Variants in HIPK2 observed in about 807,000 individuals in gnomAD.
HIPK2 encodes homeodomain-interacting protein kinase 2.
A neutral mutation model predicts 113.7 loss-of-function variants in HIPK2; 27 were observed. The observed-to-expected ratio is 0.24, with a 90% confidence interval of 0.17 to 0.33. The LOEUF is 0.33. Ranked by LOEUF, HIPK2 falls within the 10% of genes least tolerant of loss-of-function variation. The pLI is 1.00. For synonymous variants in HIPK2, 631 were observed against 642.2 expected, an observed-to-expected ratio of 0.98 and a Z score of 0.26; for missense variants, 1,257 against 1,588.0, an observed-to-expected ratio of 0.79 and a Z score of 3.54.
At chr7:139,605,662 T>C (rs1001638492) in intron 9 of HIPK2, among the ~76,000 whole-genome samples, 1 of 152,192 alleles carries the variant, frequency 6.6e-6, no homozygotes, top group African/African-American at 2.4e-5. Flanking sequence ...TATTTTCATG[T>C]TGCACCTGAG....
intron 2 of HIPK2, among the ~76,000 whole-genome samples, chr7:139,697,826 T>C (rs1372751991): frequency 6.6e-6 from 1 of 151,002 alleles, no homozygotes; most frequent in Non-Finnish European, 1.5e-5. Flanking sequence ...TATTATCCCC[T>C]CCTCCCAGCC....
intron 1 of HIPK2, among the ~76,000 whole-genome samples, chr7:139,721,698 C>T (rs1009349725): frequency 2.0e-5 from 3 of 152,204 alleles, no homozygotes; most frequent in African/African-American, 2.4e-5. Flanking sequence ...TATCTCTGCA[C>T]TTCCTAGTTG....
At chr7:139,754,504 T>G (rs1023284483) in intron 1 of HIPK2, among the ~76,000 whole-genome samples, 8 of 152,162 alleles carry the variant, frequency 5.3e-5, no homozygotes, top group Non-Finnish European at 7.4e-5. Context: ...AAAGCCAGGT[T>G]AGAATATAGA....
At chr7:139,639,102 C>T (rs55970805) in intron 2 of HIPK2, among the ~76,000 whole-genome samples, 9,549 of 152,252 alleles carry the variant, frequency 0.063, 395 homozygotes, top group African/African-American at 0.1. Flanking sequence ...ACACCCAGCC[C>T]ATAAACCCTC....
At chr7:139,652,500 T>C (rs1801498911) in intron 2 of HIPK2, among the ~76,000 whole-genome samples, 1 of 152,238 alleles carries the variant, frequency 6.6e-6, no homozygotes, top group Admixed American at 6.5e-5. Context: ...TATCATCTCG[T>C]GTACACGTAT....
chr7:139,747,356 G>A (rs1352694788), intron 1 of HIPK2, among the ~76,000 whole-genome samples: 4 of 152,192 alleles, frequency 2.6e-5, no homozygotes, highest in African/African-American at 9.7e-5. Flanking sequence ...GTCTGCATCT[G>A]GACGTTCCCA....
In HIPK2 at chr7:139,569,240, T is replaced by C. The variant is rs1798185274; in HGVS notation, c.*3687A>G. 6.6e-6 allele frequency: 1 copy of C among 152,006 alleles called. No individual in the cohort carries two copies. The highest frequency in any genetic ancestry group is 1.5e-5 in the Non-Finnish European group (1 of 68,034). 9.4% of individuals were successfully genotyped at this position (152,006 alleles called of 1,614,324 possible). ...TGAGGAACTGGGTGGTGTGGTGAAA[T>C]TTCCTGGGGAAGGTACCACCTGCCA... is the stretch of plus-strand genomic sequence containing the variant. On this transcript the variant is annotated 3_prime_UTR_variant, in exon 15 of 15. Transcript: ENST00000406875.
At chr7:139,720,850 A>G (rs1008559928) in intron 1 of HIPK2, among the ~76,000 whole-genome samples, 1 of 152,168 alleles carries the variant, frequency 6.6e-6, no homozygotes, top group South Asian at 2.1e-4. Context: ...GTGAGGTGCT[A>G]GTCTCTGTTT....
Position 139,571,425 on chromosome 7 carries a change from C to T in HIPK2, c.*1502G>A, listed in dbSNP as rs1798275118. ...TGGCGGAACTGGGGACAGAGTGGGGCAGGGGTGAAGGGTGGGGAGTCTCTC... is the reference window on the plus strand; with the variant it reads ...TGGCGGAACTGGGGACAGAGTGGGGTAGGGGTGAAGGGTGGGGAGTCTCTC... On this transcript the variant is annotated 3_prime_UTR_variant, in exon 15 of 15. Transcript: ENST00000406875. 1 of 152,258 alleles carries T rather than the reference C, an allele frequency of 6.6e-6. No homozygotes were observed. Among genetic ancestry groups the T allele is most frequent in the Admixed American group, 6.5e-5 (1 of 15,284 alleles). The allele number at this position is 152,258 out of a possible 1,614,324, so 9.4% of individuals were successfully genotyped here. A position where few individuals can be genotyped will look rare whatever the true frequency, so the allele number is the denominator to read the frequency against.
intron 13 of HIPK2, among the ~76,000 whole-genome samples, chr7:139,578,370 T>G (rs1053943240): frequency 2.6e-5 from 4 of 152,148 alleles, no homozygotes; most frequent in Non-Finnish European, 5.9e-5. Flanking sequence ...GGTCGTGAAC[T>G]CCTGACCTCA....
chr7:139,601,372 A>G (rs1799419298), intron 10 of HIPK2, among the ~76,000 whole-genome samples: 1 of 152,228 alleles, frequency 6.6e-6, no homozygotes, highest in South Asian at 2.1e-4. Context: ...TATCTTAGCA[A>G]TACCATTTTA....
intron 12 of HIPK2, among the ~76,000 whole-genome samples, chr7:139,586,939 G>C (rs1318474101): frequency 6.6e-6 from 1 of 152,136 alleles, no homozygotes; most frequent in Non-Finnish European, 1.5e-5. Context: ...GGGGGCTAGG[G>C]GAGAGGAGAG....
intron 11 of HIPK2, among the ~76,000 whole-genome samples, chr7:139,599,562 G>A (rs1419883130): frequency 6.6e-6 from 1 of 152,216 alleles, no homozygotes; most frequent in Non-Finnish European, 1.5e-5. Flanking sequence ...GAATGGGAAA[G>A]ATTTGTGTTC....
At chr7:139,668,976 C>G (rs115754418) in intron 2 of HIPK2, among the ~76,000 whole-genome samples, 115 of 152,304 alleles carry the variant, frequency 7.6e-4, no homozygotes, top group Non-Finnish European at 1.2e-3. Flanking sequence ...AAAGAATTCA[C>G]GTGGAAGGAT....
At chr7:139,655,728 T>C (rs1450695291) in intron 2 of HIPK2, among the ~76,000 whole-genome samples, 1 of 152,184 alleles carries the variant, frequency 6.6e-6, no homozygotes, top group African/African-American at 2.4e-5. Flanking sequence ...ATTACATTTG[T>C]ATTTTGGAAA....
intron 1 of HIPK2, among the ~76,000 whole-genome samples, chr7:139,763,729 A>G (rs759906616): frequency 5.9e-5 from 9 of 152,174 alleles, no homozygotes; most frequent in Non-Finnish European, 1.0e-4. Flanking sequence ...TCACCTACTC[A>G]CTAAAAGGTG....
rs902966369 is a variant in HIPK2 at position 139,563,944 on chromosome 7, C to T, written c.*8983G>A. 1.0e-5 allele frequency: 4 copies of T among 398,514 alleles called. No homozygotes were observed. The highest frequency in any genetic ancestry group is 1.8e-5 in the Non-Finnish European group (4 of 226,068). The allele number at this position is 398,514 out of a possible 1,614,324, so 24.7% of individuals were successfully genotyped here. Reference sequence around the variant, plus strand: ...ACCAAGACTCAGGGAAACTGCCATTCCCCCAGTCTGTTTCTGCATGACAGT... The same window carrying T: ...ACCAAGACTCAGGGAAACTGCCATTTCCCCAGTCTGTTTCTGCATGACAGT... On this transcript the variant is annotated 3_prime_UTR_variant, in exon 15 of 15. Coordinates refer to ENST00000406875, the MANE Select transcript of HIPK2 (RefSeq NM_022740.5).
chr7:139,588,104 G>T (rs1165534656), intron 12 of HIPK2, among the ~76,000 whole-genome samples: 2 of 151,784 alleles, frequency 1.3e-5, no homozygotes, highest in African/African-American at 4.8e-5. Context: ...GATCACTTGA[G>T]GTCAGGAGTT....
intron 12 of HIPK2, among the ~76,000 whole-genome samples, chr7:139,585,769 G>A (rs898625431): frequency 4.6e-5 from 7 of 152,160 alleles, no homozygotes; most frequent in African/African-American, 1.7e-4. Context: ...TAGTTAACAT[G>A]TGAAAACAGG....
Sources: gnomAD v4.1 joint callset for allele counts (sites outside exome capture counted in the v4.1 genomes callset) on GRCh38, gnomAD v4.1.1 for gene constraint, MANE v1.5 for transcripts, NCBI Gene and HGNC (gene_info 2026-07-23, HGNC 2026-07-21) for gene names.